Variants in IGSF11 observed in about 807,000 individuals in gnomAD.
IGSF11 encodes the protein CXADR like 1.
Under a neutral mutation model 41.0 loss-of-function variants are expected in IGSF11, and 22 were observed. That is an observed-to-expected ratio of 0.54 (90% CI 0.38 to 0.77). The LOEUF (loss-of-function observed/expected upper bound fraction) is 0.77, where lower values mean the gene tolerates loss of function less well. IGSF11 is among the 30% of genes least tolerant of loss of function. The pLI is 0.00. For synonymous variants in IGSF11, 219 were observed against 201.3 expected (o/e 1.09, Z -0.74); for missense variants, 444 against 530.8 (o/e 0.84, Z 1.61).
At chr3:119,117,263 G>A (rs766579918) in intron 1 of IGSF11, among the ~76,000 whole-genome samples, 9 of 151,668 alleles carry the variant, frequency 5.9e-5, no homozygotes, top group East Asian at 1.9e-4. Context: ...TGTTTTCATC[G>A]TGCTGATAAA....
At chr3:119,008,374 G>T (rs555813741) in intron 1 of IGSF11, among the ~76,000 whole-genome samples, 47 of 152,242 alleles carry the variant, frequency 3.1e-4, no homozygotes, top group African/African-American at 9.4e-4. Flanking sequence ...TTCCACTGTG[G>T]AAGCTTTTCA....
chr3:118,937,945 C>T (rs28484956), intron 1 of IGSF11, among the ~76,000 whole-genome samples: 4,440 of 152,044 alleles, frequency 0.029, 232 homozygotes, highest in African/African-American at 0.1. Context: ...AAGAGCATGC[C>T]TTATACTGAA....
chr3:119,076,945 G>T (rs536245473), intron 1 of IGSF11, among the ~76,000 whole-genome samples: 1 of 152,226 alleles, frequency 6.6e-6, no homozygotes, highest in Non-Finnish European at 1.5e-5. Flanking sequence ...TTATAAATCA[G>T]GCTGCTATAA....
intron 1 of IGSF11, among the ~76,000 whole-genome samples, chr3:119,008,568 T>C (rs994497418): frequency 3.3e-5 from 5 of 152,174 alleles, no homozygotes; most frequent in Admixed American, 3.3e-4. Context: ...TAAAAGCTAA[T>C]TTTTCACATC....
chr3:119,078,924 C>T (rs2164350), intron 1 of IGSF11, among the ~76,000 whole-genome samples: 3,389 of 152,156 alleles, frequency 0.022, 47 homozygotes, highest in Middle Eastern at 0.051. Flanking sequence ...CAGAAGTGAA[C>T]GGACATTTCT....
intron 1 of IGSF11, among the ~76,000 whole-genome samples, chr3:119,033,990 C>G (rs1223775026): frequency 2.6e-5 from 4 of 152,174 alleles, no homozygotes; most frequent in African/African-American, 9.7e-5. Flanking sequence ...GGAGATGAAG[C>G]TAGAGTGTAA....
In IGSF11 at chr3:119,082,391, C is replaced by T. The variant is rs1443578301; in HGVS notation, c.49+22753G>A. Among the ~76,000 whole-genome samples the T allele has an allele frequency of 3.3e-5, 5 of 152,202 alleles. No homozygotes were observed. The East Asian group carries it at 5.8e-4, about 18-fold the overall frequency. On this transcript the variant is annotated intron_variant, in intron 1 of 6. Transcript: ENST00000354673. Reference sequence around the variant, plus strand: ...GAGGAATATGATCAGTTATAAGATACAGAGTCTCCAAAAGGTAAACAAAAC... The same window carrying T: ...GAGGAATATGATCAGTTATAAGATATAGAGTCTCCAAAAGGTAAACAAAAC...
intron 6 of IGSF11, among the ~76,000 whole-genome samples, chr3:118,904,334 C>T (rs1029440743): frequency 1.3e-5 from 2 of 152,072 alleles, no homozygotes; most frequent in East Asian, 1.9e-4. Flanking sequence ...ATAGTAAACA[C>T]GTTTTAGACA....
chr3:119,073,724 C>T (rs575899382), intron 1 of IGSF11, among the ~76,000 whole-genome samples: 14 of 152,310 alleles, frequency 9.2e-5, no homozygotes, highest in East Asian at 3.9e-4. Flanking sequence ...CACACCCACC[C>T]GGAACTCGCG....
At chr3:119,066,175 C>G (rs777635015) in intron 1 of IGSF11, among the ~76,000 whole-genome samples, 1 of 152,044 alleles carries the variant, frequency 6.6e-6, no homozygotes, top group Non-Finnish European at 1.5e-5. Flanking sequence ...TTAGGGCCCA[C>G]CTGGATTAAC....
chr3:119,120,094 G>A (rs2077312260), intron 1 of IGSF11, among the ~76,000 whole-genome samples: 2 of 152,216 alleles, frequency 1.3e-5, no homozygotes, highest in Non-Finnish European at 2.9e-5. Context: ...TCCAAGCAGG[G>A]AATAAAGCAG....
intron 1 of IGSF11, among the ~76,000 whole-genome samples, chr3:118,932,274 T>C (rs1942925353): frequency 6.6e-6 from 1 of 152,146 alleles, no homozygotes; most frequent in Non-Finnish European, 1.5e-5. Context: ...TCATGAAAAA[T>C]ACATTCAGTC....
chr3:119,084,937 G>A (rs903991783), intron 1 of IGSF11, among the ~76,000 whole-genome samples: 1 of 152,204 alleles, frequency 6.6e-6, no homozygotes, highest in East Asian at 1.9e-4. Flanking sequence ...AAGCTGAGAG[G>A]GCTGAGTCAC....
At chr3:118,957,601 CA>C (rs1184904996) in intron 1 of IGSF11, among the ~76,000 whole-genome samples, 3 of 152,218 alleles carry the variant, frequency 2.0e-5, no homozygotes, top group Non-Finnish European at 4.4e-5. Flanking sequence ...TCTTACTCAT[CA>C]CACTCGCCAT....
chr3:118,998,579 CAA>C (rs1256652624), intron 1 of IGSF11, among the ~76,000 whole-genome samples: 6 of 129,752 alleles, frequency 4.6e-5, no homozygotes, highest in Admixed American at 7.8e-5. Context: ...GTATTATTTG[CAA>C]AAAAAAAAAA....
intron 1 of IGSF11, among the ~76,000 whole-genome samples, chr3:119,048,760 C>G (rs1359738774): frequency 6.6e-6 from 1 of 151,996 alleles, no homozygotes; most frequent in Non-Finnish European, 1.5e-5. Context: ...AAAATACTGG[C>G]AAACCGAATC....
chr3:119,106,231 TG>T (rs1315406457), upstream of IGSF11, among the ~76,000 whole-genome samples: 20 of 152,330 alleles, frequency 1.3e-4, no homozygotes, highest in Non-Finnish European at 2.5e-4. Flanking sequence ...CTTTTTTAGT[TG>T]TTTTTAAGGA....
chr3:118,915,369 AAGAATGTATAACT>A (rs1940964265), intron 4 of IGSF11, among the ~76,000 whole-genome samples: 1 of 55,528 alleles, frequency 1.8e-5, no homozygotes, highest in Non-Finnish European at 2.8e-5. Context: ...AAAAATTTAG[AAGAATGTATAACT>A]AGAATAACCA....
In IGSF11 at chr3:119,102,568, C is replaced by T. The variant is rs116132082; in HGVS notation, c.49+2576G>A. 6.0e-3 allele frequency among the ~76,000 whole-genome samples: 910 copies of T among 152,258 alleles called. 7 individuals are homozygous for T. Among genetic ancestry groups the T allele is most frequent in the African/African-American group, 0.021 (880 of 41,562 alleles). On this transcript the variant is annotated intron_variant, in intron 1 of 6. Transcript: ENST00000354673. ...ACCATTTCCATACTTATATCCAAGA[C>T]ATTTTTTGTTTCTAGAAAATATTTT... is the stretch of plus-strand genomic sequence containing the variant.
Sources: gnomAD v4.1 joint callset for allele counts (sites outside exome capture counted in the v4.1 genomes callset) on GRCh38, gnomAD v4.1.1 for gene constraint, MANE v1.5 for transcripts, NCBI Gene and HGNC (gene_info 2026-07-23, HGNC 2026-07-21) for gene names.